The following PCDH11X variants were observed in gnomAD, a reference collection of about 807,000 sequenced individuals.
PCDH11X encodes protocadherin 11 X-linked, also known as protocadherin-11 X-linked.
A neutral mutation model predicts 53.3 loss-of-function variants in PCDH11X; 18 were observed. The observed-to-expected ratio is 0.34, with a 90% CI of 0.23 to 0.50. The LOEUF (loss-of-function observed/expected upper bound fraction) is 0.50, where lower values mean the gene tolerates loss of function less well. Ranked by LOEUF, PCDH11X falls within the 20% of genes least tolerant of loss-of-function variation. The pLI is 0.98. For synonymous variants in PCDH11X, 279 were observed against 393.3 expected, an observed-to-expected ratio of 0.71 and a Z score of 3.44; for missense variants, 570 against 1,032.4, an observed-to-expected ratio of 0.55 and a Z score of 6.14.
chrX:92,218,966 T>A (rs1221460696), intron 7 of PCDH11X, among the ~76,000 whole-genome samples: 1 of 111,223 alleles, frequency 9.0e-6, no homozygotes, highest in Non-Finnish European at 1.9e-5. Flanking sequence ...TCTCAATAGA[T>A]GCAGAAAAGG....
intron 8 of PCDH11X, among the ~76,000 whole-genome samples, chrX:92,273,637 G>C (rs911779234): frequency 1.2e-4 from 13 of 110,629 alleles, no homozygotes; most frequent in Non-Finnish European, 2.1e-4. Context: ...AGCGGGATTA[G>C]GGGCGGCGTG....
intron 7 of PCDH11X, among the ~76,000 whole-genome samples, chrX:92,256,687 A>G: frequency 9.0e-6 from 1 of 111,132 alleles, no homozygotes; most frequent in Middle Eastern, 4.6e-3. Context: ...TCCATTAGCT[A>G]TTCTTCTTGA....
At chrX:92,613,545 T>TTGTTG (rs1556517230) in intron 10 of PCDH11X, among the ~76,000 whole-genome samples, 1 of 65,539 alleles carries the variant, frequency 1.5e-5, no homozygotes, top group Admixed American at 1.9e-4. Flanking sequence ...GTTGTTGTTG[T>TTGTTG]TGTGTGTGTG....
At chrX:91,956,722 C>T (rs189849276) in intron 6 of PCDH11X, among the ~76,000 whole-genome samples, 1 of 110,329 alleles carries the variant, frequency 9.1e-6, no homozygotes, top group East Asian at 2.9e-4. Context: ...ATAATCTGAT[C>T]ATTATGTATC....
chrX:91,870,627 GA>G (rs900856342), intron 5 of PCDH11X, among the ~76,000 whole-genome samples: 41 of 110,156 alleles, frequency 3.7e-4, no homozygotes, highest in African/African-American at 1.1e-3. Context: ...GTCCTAGTGG[GA>G]AAAAAAATAC....
chrX:91,786,790 G>T (rs894127382), intron 1 of PCDH11X, among the ~76,000 whole-genome samples: 1 of 106,143 alleles, frequency 9.4e-6, no homozygotes, highest in African/African-American at 3.4e-5. Flanking sequence ...GAGGATTGAT[G>T]GTCTTTAGTC....
chrX:91,981,020 GAATA>G (rs2062125593), intron 6 of PCDH11X, among the ~76,000 whole-genome samples: 1 of 91,371 alleles, frequency 1.1e-5, no homozygotes, highest in Non-Finnish European at 2.1e-5. Context: ...TATATACACT[GAATA>G]TATATATATA....
At chrX:92,490,944 T>C (rs1220457237) in intron 10 of PCDH11X, among the ~76,000 whole-genome samples, 3 of 107,472 alleles carry the variant, frequency 2.8e-5, no homozygotes, top group Non-Finnish European at 5.8e-5. Context: ...AAGCTGAGAA[T>C]TTGACAGCCA....
intron 10 of PCDH11X, among the ~76,000 whole-genome samples, chrX:92,615,749 G>A (rs1267406284): frequency 4.0e-4 from 42 of 106,265 alleles, no homozygotes; most frequent in Non-Finnish European, 7.2e-4. Context: ...TTTTCCTGGT[G>A]TTTTCCCCTC....
chrX:92,225,117 C>T (rs955852681), intron 7 of PCDH11X, among the ~76,000 whole-genome samples: 5 of 111,711 alleles, frequency 4.5e-5, no homozygotes, highest in African/African-American at 1.6e-4. Context: ...GTCAAATACA[C>T]ATTTTTTCTT....
intron 10 of PCDH11X, among the ~76,000 whole-genome samples, chrX:92,585,662 G>A (rs773920437): frequency 2.7e-5 from 3 of 110,889 alleles, no homozygotes; most frequent in Admixed American, 1.9e-4. Context: ...GAGCCACCGC[G>A]CCCAGCCAAA....
At chrX:92,610,705 T>C (rs2148816329) in intron 10 of PCDH11X, among the ~76,000 whole-genome samples, 1 of 111,396 alleles carries the variant, frequency 9.0e-6, no homozygotes, top group Admixed American at 9.5e-5. Context: ...GTATGGTTCC[T>C]TCTAGAATTC....
intron 8 of PCDH11X, among the ~76,000 whole-genome samples, chrX:92,351,122 TC>T (rs1171190808): frequency 8.9e-6 from 1 of 112,071 alleles, no homozygotes; most frequent in Non-Finnish European, 1.9e-5. Flanking sequence ...GGTCAATTGT[TC>T]TTCAGTCCAA....
chrX:91,973,607 A>G (rs4372168), intron 6 of PCDH11X, among the ~76,000 whole-genome samples: 14,377 of 99,791 alleles, frequency 0.14, 1,225 homozygotes, highest in East Asian at 0.38. Context: ...CCATAAGTAT[A>G]TACAACTTTT....
chrX:91,880,128 G>A (rs192205090), intron 6 of PCDH11X: 3 of 118,719 alleles, frequency 2.5e-5, no homozygotes, highest in Middle Eastern at 4.3e-3. Context: ...ATGAAAGCAA[G>A]AGTTTATCCA....
At chrX:92,422,267 C>A (rs776741352) in intron 9 of PCDH11X, among the ~76,000 whole-genome samples, 1 of 108,976 alleles carries the variant, frequency 9.2e-6, no homozygotes, top group Non-Finnish European at 1.9e-5. Context: ...ATCACCCCAG[C>A]AGTGTACACT....
chrX:92,221,259 AAAAG>A (rs1361842134), intron 7 of PCDH11X, among the ~76,000 whole-genome samples: 20 of 91,825 alleles, frequency 2.2e-4, no homozygotes, highest in Non-Finnish European at 3.9e-4. Context: ...TTTTTTTTAA[AAAAG>A]AAAACATTGT....
rs184681399 is a variant in PCDH11X at position 91,996,083 on chromosome X, C to T, written c.3033+116810C>T. On this transcript the variant is annotated intron_variant, in intron 6 of 10. Coordinates refer to ENST00000682573, the MANE Select transcript of PCDH11X (RefSeq NM_032968.5). ...GTCTCGATCTCCTGACCTTGTGATC[C>T]GCCCGCCTTAGCCTCCCAAAGTGCT... Among the ~76,000 whole-genome samples, 393 of 105,662 alleles carry T rather than the reference C, an allele frequency of 3.7e-3. 2 individuals carry two copies. Among genetic ancestry groups the T allele is most frequent in the African/African-American group, 0.012 (352 of 28,899 alleles). 91.8% of individuals were successfully genotyped at this position (105,662 alleles called of 115,157 possible). A position where few individuals can be genotyped will look rare whatever the true frequency, so the allele number is the denominator to read the frequency against.
chrX:92,221,776 G>C (rs962088226), intron 7 of PCDH11X, among the ~76,000 whole-genome samples: 3 of 111,145 alleles, frequency 2.7e-5, no homozygotes, highest in Admixed American at 9.7e-5. Context: ...TGGGTCTACT[G>C]TATGACCATT....
Sources: allele counts gnomAD v4.1 joint callset (sites outside exome capture counted in the v4.1 genomes callset), GRCh38; gene constraint gnomAD v4.1.1; transcripts MANE v1.5; gene names NCBI Gene and HGNC (gene_info 2026-07-23, HGNC 2026-07-21).